RIMKLB: variants seen among roughly 807,000 people sequenced by gnomAD.
RIMKLB encodes the protein beta-citrylglutamate synthase B.
RIMKLB carries 7 observed loss-of-function variants against 32.0 expected under a neutral mutation model. The observed-to-expected ratio is 0.22, with a 90% confidence interval of 0.12 to 0.41. RIMKLB has a LOEUF of 0.41. RIMKLB is among the 10% of genes least tolerant of loss of function. RIMKLB has a pLI of 1.00. For synonymous variants in RIMKLB, 172 were observed against 185.1 expected, an observed-to-expected ratio of 0.93 and a Z score of 0.57; for missense variants, 289 against 498.7, an observed-to-expected ratio of 0.58 and a Z score of 4.00.
intron 5 of RIMKLB, among the ~76,000 whole-genome samples, chr12:8,762,558 C>A (rs932671154): frequency 2.6e-5 from 4 of 152,130 alleles, no homozygotes; most frequent in African/African-American, 9.7e-5. Flanking sequence ...AGAATAATCT[C>A]CTAATGGCTT....
At chr12:8,728,982 C>G (rs1946297727) in intron 2 of RIMKLB, among the ~76,000 whole-genome samples, 1 of 152,092 alleles carries the variant, frequency 6.6e-6, no homozygotes, top group South Asian at 2.1e-4. Flanking sequence ...CTGCTCCACC[C>G]CTCATGGGAG....
At chr12:8,669,854 C>T in the RIMKLB span, among the ~76,000 whole-genome samples, 3 of 151,412 alleles carry the variant, frequency 2.0e-5, no homozygotes, top group Non-Finnish European at 2.9e-5. Context: ...AGTGAAACCC[C>T]GTCTCTACTA....
intron 2 of RIMKLB, among the ~76,000 whole-genome samples, chr12:8,732,156 G>T (rs1946604097): frequency 6.6e-6 from 1 of 151,978 alleles, no homozygotes; most frequent in South Asian, 2.1e-4. Flanking sequence ...GATTTTTGTA[G>T]ATTTAATGAC....
chr12:8,744,691 C>T (rs1031150648), intron 2 of RIMKLB, among the ~76,000 whole-genome samples: 41 of 151,582 alleles, frequency 2.7e-4, no homozygotes, highest in African/African-American at 8.3e-4. Flanking sequence ...GATGGAGTCT[C>T]GCTCTGTTGC....
chr12:8,777,358 C>G (rs1402477875), downstream of RIMKLB: 1 of 983,552 alleles, frequency 1.0e-6, no homozygotes, highest in Non-Finnish European at 1.2e-6. Flanking sequence ...TCTAGTCTTC[C>G]AGGTTTAATT....
At chr12:8,739,189 C>T (rs1947275416) in intron 2 of RIMKLB, among the ~76,000 whole-genome samples, 3 of 152,066 alleles carry the variant, frequency 2.0e-5, no homozygotes, top group South Asian at 4.2e-4. Context: ...GTTCTGGAGG[C>T]TGGTAAGTTC....
At chr12:8,691,575 C>A (rs1276119387) in intron 1 of RIMKLB, among the ~76,000 whole-genome samples, 1 of 152,046 alleles carries the variant, frequency 6.6e-6, no homozygotes, top group Non-Finnish European at 1.5e-5. Context: ...CACTGCACTC[C>A]CGCCTGGGTG....
chr12:8,740,802 T>A (rs1287965686), intron 2 of RIMKLB, among the ~76,000 whole-genome samples: 1 of 152,198 alleles, frequency 6.6e-6, no homozygotes, highest in Admixed American at 6.5e-5. Flanking sequence ...ACTGGATGTG[T>A]TAGCTCATGC....
chr12:8,734,157 A>G (rs528269380), intron 2 of RIMKLB, among the ~76,000 whole-genome samples: 1 of 152,318 alleles, frequency 6.6e-6, no homozygotes, highest in Middle Eastern at 3.4e-3. Flanking sequence ...CCTAGGCCTA[A>G]TGGTACCAAA....
chr12:8,716,666 C>T (rs1473037700), intron 2 of RIMKLB, among the ~76,000 whole-genome samples: 3 of 149,652 alleles, frequency 2.0e-5, no homozygotes, highest in Non-Finnish European at 3.0e-5. Context: ...GTGGGGCTTC[C>T]CATGGCTTCA....
upstream of RIMKLB, among the ~76,000 whole-genome samples, chr12:8,677,420 A>T (rs1360684844): frequency 2.0e-5 from 3 of 152,032 alleles, no homozygotes; most frequent in Non-Finnish European, 4.4e-5. Context: ...CCAAAATCCC[A>T]TTGAGCCTAC....
At position 8,774,203 on chromosome 12, in the gene RIMKLB, C is replaced by G. The variant is rs1273942786; in HGVS notation, c.*419C>G. ...GAAGATTTGTCATCAGTGAGGAAAA[C>G]ATCTGCATAAATTACAGGAATTTTT... On this transcript the variant is annotated 3_prime_UTR_variant, in exon 6 of 6. Transcript: ENST00000535829. 1 of 982,970 alleles carries G rather than the reference C, an allele frequency of 1.0e-6. No homozygotes were observed. The highest frequency in any genetic ancestry group is 1.2e-6 in the Non-Finnish European group (1 of 825,748). 60.9% of individuals were successfully genotyped at this position (982,970 alleles called of 1,614,324 possible). A position where few individuals can be genotyped will look rare whatever the true frequency, so the allele number is the denominator to read the frequency against.
intron 4 of RIMKLB, 75 bp downstream of exon 4, chr12:8,752,118 A>C (rs1948665122): frequency 2.1e-6 from 2 of 951,044 alleles, no homozygotes; most frequent in Non-Finnish European, 3.3e-6. Flanking sequence ...ACTTTGAAGA[A>C]TAGTTAGAGG....
upstream of RIMKLB, among the ~76,000 whole-genome samples, chr12:8,677,144 C>T (rs1168534374): frequency 2.0e-5 from 3 of 152,092 alleles, no homozygotes; most frequent in Admixed American, 2.0e-4. Context: ...TTTTCCACCA[C>T]CTGTAGTACA....
chr12:8,723,927 C>T (rs1945728077), intron 2 of RIMKLB, among the ~76,000 whole-genome samples: 1 of 149,152 alleles, frequency 6.7e-6, no homozygotes, highest in African/African-American at 2.5e-5. Context: ...GCAATCTTTC[C>T]ACCTCAGCCT....
Position 8,713,959 on chromosome 12 carries a change from G to A in RIMKLB, c.93G>A (p.Lys31=). 6.2e-7 allele frequency: 1 copy of A among 1,614,112 alleles called. No homozygotes were observed. ...YPQKEILRAL[K]AKCCEEELDF... ...AAAAAGAGATTTTACGAGCATTGAA[G>A]GCCAAATGTTGTGAGGAGGAACTGG... Residue 31 remains lysine (K), a synonymous_variant, in exon 2 of 6, where the codon AAG becomes AAA. Coordinates refer to ENST00000535829, the MANE Select transcript of RIMKLB (RefSeq NM_001297776.2).
intron 5 of RIMKLB, among the ~76,000 whole-genome samples, chr12:8,755,557 C>T (rs780405374): frequency 1.3e-5 from 2 of 152,218 alleles, no homozygotes; most frequent in African/African-American, 4.8e-5. Context: ...CATTTTTTAC[C>T]ATCTGCACTC....
At chr12:8,767,543 G>C (rs1163310678) in intron 5 of RIMKLB, among the ~76,000 whole-genome samples, 1 of 152,194 alleles carries the variant, frequency 6.6e-6, no homozygotes, top group Non-Finnish European at 1.5e-5. Flanking sequence ...ACACTTTCAA[G>C]AAAGTCGTGG....
intron 2 of RIMKLB, among the ~76,000 whole-genome samples, chr12:8,728,271 T>C (rs1304083024): frequency 6.6e-6 from 1 of 151,064 alleles, no homozygotes. Context: ...CTTCAGACTG[T>C]GTTTTTGCCT....
Sources: allele counts gnomAD v4.1 joint callset (sites outside exome capture counted in the v4.1 genomes callset), GRCh38; gene constraint gnomAD v4.1.1; transcripts MANE v1.5; gene names NCBI Gene and HGNC (gene_info 2026-07-23, HGNC 2026-07-21).